The following ZNF407 variants were observed in gnomAD, a reference collection of about 807,000 sequenced individuals.
The protein encoded by ZNF407 is zinc finger protein 407.
In ZNF407, 17 loss-of-function variants were observed where a neutral mutation model predicts 131.2. The ratio of observed to expected loss-of-function variants is 0.13; its 90% CI spans 0.09 to 0.19. The LOEUF (loss-of-function observed/expected upper bound fraction) is 0.19. Among genes scored for constraint, ZNF407 ranks in the 10% least tolerant of loss-of-function variants. The pLI is 1.00. For synonymous variants in ZNF407, 1,156 were observed against 1,062.0 expected, an observed-to-expected ratio of 1.09 and a Z score of -1.72; for missense variants, 2,681 against 2,830.6, an observed-to-expected ratio of 0.95 and a Z score of 1.20.
At chr18:74,932,434 C>T (rs1380889574) in intron 8 of ZNF407, among the ~76,000 whole-genome samples, 1 of 152,126 alleles carries the variant, frequency 6.6e-6, no homozygotes, top group African/African-American at 2.4e-5. Flanking sequence ...CCTTAAAATG[C>T]CACAGTTGGA....
chr18:75,009,064 C>T (rs1410574308), intron 8 of ZNF407, among the ~76,000 whole-genome samples: 2 of 152,178 alleles, frequency 1.3e-5, no homozygotes, highest in African/African-American at 4.8e-5. Flanking sequence ...GTAGAATAGG[C>T]TCCCTTTCTC....
intron 3 of ZNF407, among the ~76,000 whole-genome samples, chr18:74,778,831 C>G (rs1969530383): frequency 6.6e-6 from 1 of 151,954 alleles, no homozygotes; most frequent in Non-Finnish European, 1.5e-5. Context: ...CGTGATGAGA[C>G]AGGGACTGAA....
At chr18:74,601,071 G>A (rs1982557130) in intron 1 of ZNF407, among the ~76,000 whole-genome samples, 3 of 152,170 alleles carry the variant, frequency 2.0e-5, no homozygotes, top group South Asian at 4.1e-4. Context: ...GAGTGGATTC[G>A]GGGATGGAGT....
intron 7 of ZNF407, among the ~76,000 whole-genome samples, chr18:74,897,556 G>A (rs1044597161): frequency 1.3e-5 from 2 of 152,166 alleles, no homozygotes; most frequent in South Asian, 2.1e-4. Flanking sequence ...ACTATGGACA[G>A]TCCCTTGGGT....
At chr18:74,650,257 T>A (rs1475142291) in intron 3 of ZNF407, among the ~76,000 whole-genome samples, 1 of 152,190 alleles carries the variant, frequency 6.6e-6, no homozygotes, top group Non-Finnish European at 1.5e-5. Context: ...GCTGAAAAGT[T>A]CCTTTTCAGC....
At position 74,681,388 on chromosome 18, in the gene ZNF407, T is replaced by G. The variant is rs576929465; in HGVS notation, c.4802+40266T>G. Among the ~76,000 whole-genome samples the G allele has an allele frequency of 3.4e-4, 51 of 152,226 alleles. 1 individual carries two copies. The highest frequency in any genetic ancestry group is 1.2e-3 in the African/African-American group (50 of 41,532). On this transcript the variant is annotated intron_variant, in intron 3 of 8. Coordinates refer to ENST00000299687, the MANE Select transcript of ZNF407 (RefSeq NM_017757.3). Reference sequence around the variant, plus strand: ...CTTCCCAAGTAGCTGGGATTACCAGTGCCTGCCACACACCTGGCTAAGTTT... The same window carrying G: ...CTTCCCAAGTAGCTGGGATTACCAGGGCCTGCCACACACCTGGCTAAGTTT...
chr18:74,745,443 C>T (rs934951227), intron 3 of ZNF407, among the ~76,000 whole-genome samples: 10 of 152,096 alleles, frequency 6.6e-5, no homozygotes, highest in Non-Finnish European at 1.5e-4. Context: ...TTGGAAAATA[C>T]TGTAAATTTA....
In ZNF407 at chr18:75,064,088, A is replaced by G. The variant is rs1201068373; in HGVS notation, c.6367A>G (p.Ile2123Val). ...VHMVAGEGAQ[I>V]IMQEAQGEHM... ...CATGGTCGCCGGGGAGGGTGCCCAG[A>G]TCATCATGCAGGAGGCGCAGGGCGA... The change falls in exon 9 of 9, where the codon ATC becomes GTC. Residue 2123 changes from isoleucine (I) to valine (V), a missense_variant. This residue lies in a region of ZNF407 where 620 missense variants were observed against 583.1 expected (regional missense o/e 1.06). Transcript: ENST00000299687. The G allele has an allele frequency of 6.3e-7, 1 of 1,590,490 alleles. No individual in the cohort carries two copies. Among genetic ancestry groups the G allele is most frequent in the Middle Eastern group, 1.7e-4 (1 of 6,044 alleles).
At chr18:74,625,100 T>C (rs1983729451) in intron 1 of ZNF407, among the ~76,000 whole-genome samples, 1 of 152,254 alleles carries the variant, frequency 6.6e-6, no homozygotes, top group South Asian at 2.1e-4. Flanking sequence ...TCAATATTTA[T>C]TTGTTGAATG....
chr18:74,700,490 A>G (rs1967466870), intron 3 of ZNF407, among the ~76,000 whole-genome samples: 1 of 152,168 alleles, frequency 6.6e-6, no homozygotes. Context: ...TCCTCCATCA[A>G]GGGCAGGTGG....
chr18:74,769,263 C>CTG (rs1326636185), intron 3 of ZNF407, among the ~76,000 whole-genome samples: 4 of 152,188 alleles, frequency 2.6e-5, no homozygotes, highest in Non-Finnish European at 5.9e-5. Flanking sequence ...CCAAGCACAT[C>CTG]TGTGTGTGTA....
chr18:74,790,801 A>T (rs1028185636), intron 4 of ZNF407, among the ~76,000 whole-genome samples: 2 of 152,194 alleles, frequency 1.3e-5, no homozygotes, highest in Non-Finnish European at 2.9e-5. Flanking sequence ...CCGAATTAAA[A>T]TTTTTTGTGA....
intron 3 of ZNF407, among the ~76,000 whole-genome samples, chr18:74,645,987 G>A (rs533325026): frequency 6.6e-6 from 1 of 152,278 alleles, no homozygotes; most frequent in South Asian, 2.1e-4. Flanking sequence ...ATTTATTTGT[G>A]TTGAAGTGTA....
At chr18:74,614,994 T>C (rs1983222596) in intron 1 of ZNF407, among the ~76,000 whole-genome samples, 1 of 152,184 alleles carries the variant, frequency 6.6e-6, no homozygotes, top group African/African-American at 2.4e-5. Context: ...TAAGCAGATA[T>C]GAGTGGAAGT....
At chr18:74,918,412 G>T (rs1013421898) in intron 7 of ZNF407, among the ~76,000 whole-genome samples, 1 of 152,238 alleles carries the variant, frequency 6.6e-6, no homozygotes, top group Non-Finnish European at 1.5e-5. Flanking sequence ...CTTGACCTCA[G>T]AGGGTCATGC....
intron 4 of ZNF407, among the ~76,000 whole-genome samples, chr18:74,863,200 T>C (rs1325845059): frequency 3.3e-5 from 5 of 151,704 alleles, no homozygotes; most frequent in Non-Finnish European, 7.4e-5. Context: ...GGATTACAGG[T>C]GTGAGCCACC....
chr18:74,650,720 C>T (rs1279362457), intron 3 of ZNF407, among the ~76,000 whole-genome samples: 1 of 151,936 alleles, frequency 6.6e-6, no homozygotes, highest in African/African-American at 2.4e-5. Context: ...AAGGGGTGGG[C>T]CACGGGAATA....
At chr18:74,731,276 A>G (rs1301123926) in intron 3 of ZNF407, among the ~76,000 whole-genome samples, 1 of 152,200 alleles carries the variant, frequency 6.6e-6, no homozygotes, top group East Asian at 1.9e-4. Flanking sequence ...TTAATTTAGA[A>G]AGACGGTACC....
At chr18:74,688,375 C>T (rs999792747) in intron 3 of ZNF407, among the ~76,000 whole-genome samples, 23 of 152,218 alleles carry the variant, frequency 1.5e-4, no homozygotes, top group African/African-American at 5.5e-4. Flanking sequence ...AGGAGCCTAA[C>T]AGATATCTAT....
Sources: gnomAD v4.1 joint callset for allele counts (sites outside exome capture counted in the v4.1 genomes callset) on GRCh38, gnomAD v4.1.1 for gene constraint, gnomAD v4.1.1 regional missense constraint, MANE v1.5 for transcripts, NCBI Gene and HGNC (gene_info 2026-07-23, HGNC 2026-07-21) for gene names.